The following KHDRBS2 variants were observed in gnomAD, a reference collection of about 807,000 sequenced individuals.
The protein encoded by KHDRBS2 is KH RNA binding domain containing, signal transduction associated 2.
KHDRBS2 carries 26 observed loss-of-function variants against 44.3 expected under a neutral mutation model. The observed-to-expected ratio is 0.59, with a 90% CI of 0.43 to 0.81. The LOEUF (loss-of-function observed/expected upper bound fraction) is 0.81, where lower values mean the gene tolerates loss of function less well. KHDRBS2 is among the 40% of genes least tolerant of loss of function. The pLI is 0.00. For missense variants in KHDRBS2, 476 were observed against 433.1 expected (o/e 1.10, Z -0.88); for synonymous variants, 194 against 151.1 (o/e 1.28, Z -2.08).
chr6:61,805,696 A>G (rs998856951), intron 6 of KHDRBS2, among the ~76,000 whole-genome samples: 9 of 152,160 alleles, frequency 5.9e-5, no homozygotes, highest in African/African-American at 1.9e-4. Context: ...AGAAGTGCAG[A>G]GTGAAGGGGG....
At chr6:62,024,407 G>A (rs1782925440) in intron 3 of KHDRBS2, among the ~76,000 whole-genome samples, 1 of 151,366 alleles carries the variant, frequency 6.6e-6, no homozygotes, top group Non-Finnish European at 1.5e-5. Flanking sequence ...CATGTGCATA[G>A]TAACTGAAGC....
At chr6:61,689,608 A>C (rs1767176658) in intron 8 of KHDRBS2, among the ~76,000 whole-genome samples, 1 of 151,944 alleles carries the variant, frequency 6.6e-6, no homozygotes, top group Non-Finnish European at 1.5e-5. Context: ...GAACTTCTGG[A>C]TACCAAAAGC....
At chr6:61,631,335 A>AAAAAAAG in the KHDRBS2 span, among the ~76,000 whole-genome samples, 56 of 104,732 alleles carry the variant, frequency 5.3e-4, 8 homozygotes, top group African/African-American at 1.2e-3. Flanking sequence ...AAAAAAAAAA[A>AAAAAAAG]AAGACAATAC....
At chr6:61,829,935 A>G (rs1442232759) in intron 6 of KHDRBS2, among the ~76,000 whole-genome samples, 1 of 152,100 alleles carries the variant, frequency 6.6e-6, no homozygotes, top group African/African-American at 2.4e-5. Flanking sequence ...CACTTTTTCC[A>G]TCTTCCCCCA....
chr6:62,015,620 T>A (rs1781072370), intron 3 of KHDRBS2, among the ~76,000 whole-genome samples: 1 of 152,094 alleles, frequency 6.6e-6, no homozygotes, highest in African/African-American at 2.4e-5. Flanking sequence ...AAGCTTTGTT[T>A]CTACTCACTA....
the KHDRBS2 span, among the ~76,000 whole-genome samples, chr6:61,638,055 A>G: frequency 2.6e-5 from 4 of 152,094 alleles, no homozygotes; most frequent in Admixed American, 2.0e-4. Flanking sequence ...CCATTTGTCA[A>G]TTTTGGCTTT....
intron 1 of KHDRBS2, among the ~76,000 whole-genome samples, chr6:62,276,238 A>G (rs1372124047): frequency 6.6e-6 from 1 of 152,220 alleles, no homozygotes; most frequent in Non-Finnish European, 1.5e-5. Flanking sequence ...AATCTGTTTC[A>G]AAGTTATTAA....
At chr6:61,619,557 T>C in the KHDRBS2 span, among the ~76,000 whole-genome samples, 1 of 152,296 alleles carries the variant, frequency 6.6e-6, no homozygotes, top group African/African-American at 2.4e-5. Flanking sequence ...CGGATTCTAG[T>C]GATTCTCCTG....
intron 6 of KHDRBS2, among the ~76,000 whole-genome samples, chr6:61,743,374 C>T (rs898666214): frequency 6.6e-6 from 1 of 152,038 alleles, no homozygotes; most frequent in Non-Finnish European, 1.5e-5. Context: ...AGTGTCTTGG[C>T]TACAATGTAA....
chr6:61,911,364 A>G (rs988808840), intron 4 of KHDRBS2, among the ~76,000 whole-genome samples: 5 of 152,096 alleles, frequency 3.3e-5, no homozygotes, highest in African/African-American at 1.2e-4. Context: ...AGTGGAGGAA[A>G]GTTCTGATCC....
chr6:61,880,497 A>C (rs1800051038), intron 6 of KHDRBS2, among the ~76,000 whole-genome samples: 4 of 151,932 alleles, frequency 2.6e-5, no homozygotes, highest in Admixed American at 2.6e-4. Context: ...CTAGATAGGA[A>C]ATGAAATATA....
intron 4 of KHDRBS2, among the ~76,000 whole-genome samples, chr6:61,966,570 A>T (rs1306080157): frequency 6.6e-6 from 1 of 152,006 alleles, no homozygotes; most frequent in Non-Finnish European, 1.5e-5. Context: ...GTGATCAGTG[A>T]TCTACTTGAC....
At chr6:61,704,155 A>T (rs886782664) in intron 7 of KHDRBS2, among the ~76,000 whole-genome samples, 3 of 151,798 alleles carry the variant, frequency 2.0e-5, no homozygotes, top group African/African-American at 7.3e-5. Flanking sequence ...TTTCATTTTC[A>T]TTATCCCTAA....
chr6:61,941,304 C>T (rs545084044), intron 4 of KHDRBS2, among the ~76,000 whole-genome samples: 2 of 152,248 alleles, frequency 1.3e-5, no homozygotes, highest in South Asian at 2.1e-4. Flanking sequence ...AACACCAGCA[C>T]ACAGCACTCA....
chr6:62,028,881 T>A (rs71568783), intron 3 of KHDRBS2, among the ~76,000 whole-genome samples: 1 of 152,086 alleles, frequency 6.6e-6, no homozygotes, highest in East Asian at 1.9e-4. Flanking sequence ...TCTTAGTGTA[T>A]GAAAAACATG....
chr6:62,114,054 C>T (rs1181798652), intron 2 of KHDRBS2, among the ~76,000 whole-genome samples: 1 of 151,974 alleles, frequency 6.6e-6, no homozygotes, highest in Non-Finnish European at 1.5e-5. Flanking sequence ...GGGAAAATCC[C>T]CTTATAAAAC....
At chr6:62,005,736 A>C (rs898436527) in intron 3 of KHDRBS2, among the ~76,000 whole-genome samples, 18 of 151,842 alleles carry the variant, frequency 1.2e-4, no homozygotes, top group Non-Finnish European at 2.2e-4. Context: ...TAAAGTTCTA[A>C]CTGTAAATCA....
chr6:61,779,108 C>A (rs1278841085), intron 6 of KHDRBS2, among the ~76,000 whole-genome samples: 1 of 152,132 alleles, frequency 6.6e-6, no homozygotes, highest in Admixed American at 6.6e-5. Flanking sequence ...AAATATCCTC[C>A]CATCATGCCA....
intron 8 of KHDRBS2, among the ~76,000 whole-genome samples, chr6:61,688,499 T>C (rs748177434): frequency 3.2e-4 from 48 of 151,930 alleles, no homozygotes; most frequent in Non-Finnish European, 3.5e-4. Context: ...TATAATTCTC[T>C]TCTCAAAGAA....
Sources: allele counts gnomAD v4.1 joint callset (sites outside exome capture counted in the v4.1 genomes callset), GRCh38; gene constraint gnomAD v4.1.1; transcripts MANE v1.5; gene names NCBI Gene and HGNC (gene_info 2026-07-23, HGNC 2026-07-21).